The following EVPL variants were observed in gnomAD, a reference collection of about 807,000 sequenced individuals.
EVPL encodes 210 kDa cornified envelope precursor protein.
Under a neutral mutation model 129.7 loss-of-function variants are expected in EVPL, and 94 were observed. That is an observed-to-expected ratio of 0.72 (90% CI 0.61 to 0.86). The LOEUF is 0.86. Ranked by LOEUF, EVPL falls within the 40% of genes least tolerant of loss-of-function variation. EVPL has a pLI of 0.00. For missense variants in EVPL, 2,625 were observed against 2,721.1 expected, an observed-to-expected ratio of 0.96 and a Z score of 0.79; for synonymous variants, 1,172 against 1,191.1, an observed-to-expected ratio of 0.98 and a Z score of 0.33.
chr17:76,015,818 G>C (rs1443582852), intron 14 of EVPL, among the ~76,000 whole-genome samples, 190 bp from the exon 15 acceptor site: 2 of 152,166 alleles, frequency 1.3e-5, no homozygotes, highest in Non-Finnish European at 2.9e-5. Flanking sequence ...AGAGCAAACT[G>C]TCTGACCCTC....
chr17:76,021,411 C>CCCGCCCCTG lies in EVPL; in HGVS notation c.1011+48_1011+56dup, dbSNP rs745532450. On this transcript the variant is annotated intron_variant, in intron 9 of 21. Coordinates refer to ENST00000301607, the MANE Select transcript of EVPL (RefSeq NM_001988.4). Reference sequence around the variant, plus strand: ...CTCCTGTGGGCAGGGGTGCTGTGCTCCCGCCCCTGCCGCCCCTGCCGCCCC... The same window carrying CCCGCCCCTG: ...CTCCTGTGGGCAGGGGTGCTGTGCTCCCGCCCCTGCCGCCCCTGCCGCCCCTGCCGCCCC... The CCCGCCCCTG allele has an allele frequency of 2.1e-3, 2,711 of 1,297,034 alleles. 16 individuals are homozygous for CCCGCCCCTG. The highest frequency in any genetic ancestry group is 9.6e-3 in the East Asian group (381 of 39,524). 80.3% of individuals were successfully genotyped at this position (1,297,034 alleles called of 1,614,324 possible). A position where few individuals can be genotyped will look rare whatever the true frequency, so the allele number is the denominator to read the frequency against.
chr17:76,019,922 T>G (rs552168631), intron 9 of EVPL, among the ~76,000 whole-genome samples: 3 of 150,262 alleles, frequency 2.0e-5, no homozygotes, highest in African/African-American at 7.5e-5. Flanking sequence ...CAGCTAAACT[T>G]AAACCAGCTA....
chr17:76,021,707 C>T lies in EVPL; in HGVS notation c.882G>A (p.Val294=), dbSNP rs765267583. 3.1e-6 allele frequency: 5 copies of T among 1,610,346 alleles called. No homozygotes were observed. In the East Asian group the frequency reaches 1.1e-4, roughly 36 times the overall value. ...NQLEDDGERM[V]ELRHPAVGPI... Reference sequence around the variant, plus strand: ...GCCCCACCGCGGGGTGCCGCAGCTCCACCATGCGCTCGCCGTCGTCCTCCA... The same window carrying T: ...GCCCCACCGCGGGGTGCCGCAGCTCTACCATGCGCTCGCCGTCGTCCTCCA... The change falls in exon 8 of 22, where the codon GTG becomes GTA. Residue 294 remains valine (V), a synonymous_variant. Coordinates refer to ENST00000301607, the MANE Select transcript of EVPL (RefSeq NM_001988.4).
At position 76,015,498 on chromosome 17, in the gene EVPL, T is replaced by C; in HGVS notation, c.1841A>G (p.Lys614Arg). The change falls in exon 15 of 22, where the codon AAG (lysine) becomes AGG (arginine). Residue 614 changes from lysine (K) to arginine (R), a missense_variant. This residue lies in a region of EVPL where 1,024 missense variants were observed against 997.5 expected (regional missense o/e 1.03). Transcript: ENST00000301607. ...AACCTGCACGTCACTGAACTTGTTCTTCACGCTGTTGAGGGCTACGGGCAG... is the reference window on the plus strand; with the variant it reads ...AACCTGCACGTCACTGAACTTGTTCCTCACGCTGTTGAGGGCTACGGGCAG... ...LQLPVALNSV[K>R]NKFSDVQVLC... 18 of 1,613,312 alleles carry C rather than the reference T, an allele frequency of 1.1e-5. No homozygotes were observed. Among genetic ancestry groups the C allele is most frequent in the Non-Finnish European group, 1.4e-5 (17 of 1,180,024 alleles).
intron 4 of EVPL, 63 bp downstream of exon 4, chr17:76,023,229 T>C (rs2066474777): frequency 6.2e-7 from 1 of 1,600,480 alleles, no homozygotes; most frequent in African/African-American, 1.3e-5. Context: ...AGTCAGGCCC[T>C]GGATTAAATG....
chr17:76,010,840 C>CA (rs2066371588), intron 21 of EVPL, among the ~76,000 whole-genome samples: 1 of 152,172 alleles, frequency 6.6e-6, no homozygotes, highest in African/African-American at 2.4e-5. Flanking sequence ...GTGGGCGGAT[C>CA]ACCTGAGGTC....
chr17:76,009,797 CACGATG>C lies in EVPL; in HGVS notation c.3402_3407del (p.Ile1135_Val1136del). 6.2e-7 allele frequency: 1 copy of C among 1,613,840 alleles called. No homozygotes were observed. ...CCTGCTCCACCTTCTTCACCTCCTT[CACGATG>C]ACCTTGGGCTCCACCGAGCTGATAG... is the stretch of plus-strand genomic sequence containing the variant. On this transcript the variant is annotated inframe_deletion, in exon 22 of 22. Transcript: ENST00000301607. The surrounding 1 kb of genome is among the most constrained non-coding windows in gnomAD (Gnocchi z 5.9).
chr17:76,017,195 G>A (rs996269108), intron 14 of EVPL, among the ~76,000 whole-genome samples: 3 of 152,196 alleles, frequency 2.0e-5, no homozygotes, highest in African/African-American at 7.2e-5. Context: ...CCTGGGTGAT[G>A]CAGAGAGACT....
rs1370686231 is a variant in EVPL at position 76,008,244 on chromosome 17, T to G, written c.4961A>C (p.Glu1654Ala). 6.2e-7 allele frequency: 1 copy of G among 1,613,774 alleles called. No homozygotes were observed. The highest frequency in any genetic ancestry group is 8.5e-7 in the Non-Finnish European group (1 of 1,180,018). Reference protein sequence around the residue: ...AILREKDQIYEKERTLRDLHA... With the variant: ...AILREKDQIYAKERTLRDLHA... ...GAGGTCCCGGAGCGTCCGCTCCTTC[T>G]CGTAGATCTGGTCCTTCTCGCGGAG... is the stretch of plus-strand genomic sequence containing the variant. Residue 1654 changes from glutamate (E) to alanine (A), a missense_variant, in exon 22 of 22, where the codon GAG becomes GCG. Coordinates refer to ENST00000301607, the MANE Select transcript of EVPL (RefSeq NM_001988.4). This position sits in a 1 kb window ranked among gnomAD's most constrained non-coding sequence, Gnocchi z 7.4.
chr17:76,018,894 T>C lies in EVPL; in HGVS notation c.1284+20A>G. The C allele has an allele frequency of 1.3e-6, 2 of 1,502,272 alleles. No individual in the cohort carries two copies. Among genetic ancestry groups the C allele is most frequent in the Non-Finnish European group, 1.8e-6 (2 of 1,126,918 alleles). The allele number at this position is 1,502,272 out of a possible 1,614,324, so 93.1% of individuals were successfully genotyped here. A position where few individuals can be genotyped will look rare whatever the true frequency, so the allele number is the denominator to read the frequency against. On this transcript the variant is annotated intron_variant, in intron 11 of 21. Coordinates refer to ENST00000301607, the MANE Select transcript of EVPL (RefSeq NM_001988.4). ...GGGCGGGGCTGGATGGTGGCAGGGG[T>C]GAGGTGGGGGAGTTCGCACTTCTCC...
chr17:76,013,606 C>T lies in EVPL; in HGVS notation c.2373+820G>A, dbSNP rs2066395216. Among the ~76,000 whole-genome samples, 1 of 152,180 alleles carries T rather than the reference C, an allele frequency of 6.6e-6. No individual in the cohort carries two copies. The highest frequency in any genetic ancestry group is 2.1e-4 in the South Asian group (1 of 4,832). ...GCCCCGTCCATCTCACTCACTGTCC[C>T]CTTCAAGCAGTCACCAAGTCCACCT... On this transcript the variant is annotated intron_variant, in intron 18 of 21. Coordinates refer to ENST00000301607, the MANE Select transcript of EVPL (RefSeq NM_001988.4). This position sits in a 1 kb window ranked among gnomAD's most constrained non-coding sequence, Gnocchi z 4.3.
Position 76,022,317 on chromosome 17 carries a change from C to T in EVPL, c.607-90G>A, listed in dbSNP as rs2066467146. The T allele has an allele frequency of 1.4e-5, 23 of 1,600,414 alleles. No homozygotes were observed. Among genetic ancestry groups the T allele is most frequent in the Non-Finnish European group, 1.9e-5 (22 of 1,173,984 alleles). Reference sequence around the variant, plus strand: ...ATCTGGGCCAGCCATACCCCACCCACCCCTATCCCCAGGGCCCAGCCGATC... The same window carrying T: ...ATCTGGGCCAGCCATACCCCACCCATCCCTATCCCCAGGGCCCAGCCGATC... On this transcript the variant is annotated intron_variant, in intron 5 of 21. Transcript: ENST00000301607. The surrounding 1 kb of genome is among the most constrained non-coding windows in gnomAD (Gnocchi z 5.6).
Position 76,009,514 on chromosome 17 carries a change from C to A in EVPL, c.3691G>T (p.Val1231Leu). 3 of 1,614,074 alleles carry A rather than the reference C, an allele frequency of 1.9e-6. No individual in the cohort carries two copies. Among genetic ancestry groups the A allele is most frequent in the Non-Finnish European group, 2.5e-6 (3 of 1,179,962 alleles). Residue 1231 changes from valine to leucine, a missense_variant, in exon 22 of 22, where the codon GTG becomes TTG. Physicochemically the swap from Val to Leu is conservative, Grantham distance 32 (BLOSUM62 1). Transcript: ENST00000301607. This position sits in a 1 kb window ranked among gnomAD's most constrained non-coding sequence, Gnocchi z 5.9. Reference protein sequence around the residue: ...AGKRSGVEKEVEKLLPDLEVL... With the variant: ...AGKRSGVEKELEKLLPDLEVL... ...TCCAGGTCGGGCAGCAGCTTCTCCA[C>A]CTCCTTCTCCACACCGCTCCTCTTG...
Position 76,015,435 on chromosome 17 carries a change from C to A in EVPL, c.1889+15G>T. 6.2e-7 allele frequency: 1 copy of A among 1,610,064 alleles called. No individual in the cohort carries two copies. Among genetic ancestry groups the A allele is most frequent in the Non-Finnish European group, 8.5e-7 (1 of 1,177,926 alleles). On this transcript the variant is annotated intron_variant, in intron 15 of 21. Coordinates refer to ENST00000301607, the MANE Select transcript of EVPL (RefSeq NM_001988.4). ...CTGCTGCCCTGCGTGGCTGCCCTGT[C>A]CCCAGAGCACTCACTTCTCCCCGTA...
At chr17:76,012,235 C>T in intron 18 of EVPL, 146 bp from the exon 19 acceptor site, 1 of 591,696 alleles carries the variant, frequency 1.7e-6, no homozygotes, top group Non-Finnish European at 3.0e-6. Context: ...GCCAAACTCC[C>T]TCCTTTCCCT....
intron 9 of EVPL, among the ~76,000 whole-genome samples, chr17:76,020,855 C>T (rs561738873): frequency 1.3e-5 from 2 of 152,130 alleles, no homozygotes; most frequent in South Asian, 2.1e-4. Context: ...CCACACCTGG[C>T]CCCCACGAAA....
chr17:76,015,931 G>A (rs1306787968), intron 14 of EVPL, among the ~76,000 whole-genome samples: 2 of 152,116 alleles, frequency 1.3e-5, no homozygotes, highest in African/African-American at 4.8e-5. Context: ...GTTGCTTGAG[G>A]TCAGGAGATC....
rs757889751 is a variant in EVPL at position 76,015,459 on chromosome 17, T to C, written c.1880A>G (p.Tyr627Cys). 11 of 1,612,878 alleles carry C rather than the reference T, an allele frequency of 6.8e-6. No homozygotes were observed. In the Admixed American group the frequency reaches 1.8e-4, roughly 27 times the overall value. Reference sequence around the variant, plus strand: ...TCCCCAGAGCACTCACTTCTCCCCGTAGAGGCTGCACAGAACCTGCACGTC... The same window carrying C: ...TCCCCAGAGCACTCACTTCTCCCCGCAGAGGCTGCACAGAACCTGCACGTC... Reference protein sequence around the residue: ...FSDVQVLCSLYGEKAKAALDL... With the variant: ...FSDVQVLCSLCGEKAKAALDL... Residue 627 changes from tyrosine (Y) to cysteine (C), a missense_variant, in exon 15 of 22, where the codon TAC becomes TGC. Transcript: ENST00000301607.
At chr17:76,017,118 CAGG>C (rs1479613539) in intron 14 of EVPL, among the ~76,000 whole-genome samples, 1 of 150,710 alleles carries the variant, frequency 6.6e-6, no homozygotes, top group Non-Finnish European at 1.5e-5. Context: ...GAGGTTGAGG[CAGG>C]AGAATTGCTT....
Sources: gnomAD v4.1 joint callset for allele counts (sites outside exome capture counted in the v4.1 genomes callset) on GRCh38, gnomAD v4.1.1 for gene constraint, gnomAD v4.1.1 regional missense constraint, Gnocchi (gnomAD v3.1) non-coding constraint, MANE v1.5 for transcripts, NCBI Gene and HGNC (gene_info 2026-07-23, HGNC 2026-07-21) for gene names.